TMEM132D: variants seen among roughly 807,000 people sequenced by gnomAD.
TMEM132D encodes the protein transmembrane protein 132D.
TMEM132D carries 21 observed loss-of-function variants against 62.3 expected under a neutral mutation model. The observed-to-expected ratio is 0.34, with a 90% confidence interval of 0.24 to 0.49. The LOEUF (loss-of-function observed/expected upper bound fraction) is 0.49. Among genes scored for constraint, TMEM132D ranks in the 20% least tolerant of loss-of-function variants. TMEM132D has a pLI of 0.99. For synonymous variants in TMEM132D, 621 were observed against 575.6 expected (o/e 1.08, Z -1.13); for missense variants, 1,346 against 1,402.8 (o/e 0.96, Z 0.65).
At chr12:129,596,988 G>A (rs1403506357) in intron 2 of TMEM132D, among the ~76,000 whole-genome samples, 8 of 152,138 alleles carry the variant, frequency 5.3e-5, no homozygotes, top group Non-Finnish European at 1.2e-4. Context: ...CGTTCTAAAT[G>A]CTATGTTATG....
chr12:129,609,517 T>A (rs542703358), intron 2 of TMEM132D, among the ~76,000 whole-genome samples: 5 of 152,258 alleles, frequency 3.3e-5, no homozygotes, highest in African/African-American at 1.2e-4. Context: ...GGGAAGTCAA[T>A]CCTGGTCATT....
At chr12:129,305,194 A>G (rs541599509) in intron 4 of TMEM132D, among the ~76,000 whole-genome samples, 1 of 152,338 alleles carries the variant, frequency 6.6e-6, no homozygotes, top group Non-Finnish European at 1.5e-5. Context: ...AGCCCCCTAA[A>G]TATTGGTTGA....
intron 5 of TMEM132D, among the ~76,000 whole-genome samples, chr12:129,166,700 CACACACACACACATAT>C (rs1398729782): frequency 2.8e-5 from 4 of 141,434 alleles, no homozygotes; most frequent in Admixed American, 2.3e-4. Flanking sequence ...CACACACACA[CACACACACACACATAT>C]ACACACACAC....
At chr12:129,534,749 A>G (rs1876332248) in intron 2 of TMEM132D, among the ~76,000 whole-genome samples, 1 of 152,212 alleles carries the variant, frequency 6.6e-6, no homozygotes, top group South Asian at 2.1e-4. Context: ...TCTCTGGAAT[A>G]TAATCTTGAA....
intron 3 of TMEM132D, among the ~76,000 whole-genome samples, chr12:129,345,479 G>T (rs541588855): frequency 6.6e-6 from 1 of 152,280 alleles, no homozygotes; most frequent in African/African-American, 2.4e-5. Context: ...GACAAAACTG[G>T]TGTTTCTATG....
chr12:129,644,117 T>C (rs1485285968), intron 2 of TMEM132D, among the ~76,000 whole-genome samples: 1 of 152,096 alleles, frequency 6.6e-6, no homozygotes, highest in African/African-American at 2.4e-5. Context: ...CCTCCCAAAG[T>C]GCTGGGGAAC....
At chr12:129,326,546 A>G (rs1052784207) in intron 4 of TMEM132D, among the ~76,000 whole-genome samples, 1 of 152,226 alleles carries the variant, frequency 6.6e-6, no homozygotes, top group African/African-American at 2.4e-5. Context: ...TTTTATTGGA[A>G]CTGTTACACC....
At chr12:129,482,426 A>C (rs1874454988) in intron 3 of TMEM132D, among the ~76,000 whole-genome samples, 1 of 152,248 alleles carries the variant, frequency 6.6e-6, no homozygotes. Flanking sequence ...CATCATATAC[A>C]ACTCTAGTTT....
At chr12:129,615,945 A>G (rs1878905331) in intron 2 of TMEM132D, among the ~76,000 whole-genome samples, 2 of 152,152 alleles carry the variant, frequency 1.3e-5, no homozygotes, top group South Asian at 2.1e-4. Context: ...CCCCTCCTAC[A>G]TTCCTGTCAC....
intron 1 of TMEM132D, among the ~76,000 whole-genome samples, chr12:129,820,189 C>A (rs895725679): frequency 6.6e-6 from 1 of 152,154 alleles, no homozygotes. Flanking sequence ...TTCAGGAGTT[C>A]TTTTGAAAGA....
At chr12:129,882,789 T>C (rs770918843) in intron 1 of TMEM132D, among the ~76,000 whole-genome samples, 1 of 152,150 alleles carries the variant, frequency 6.6e-6, no homozygotes, top group Non-Finnish European at 1.5e-5. Flanking sequence ...ATCATGGCAA[T>C]TGGTGCAATA....
chr12:129,833,114 T>C (rs1460867350), intron 1 of TMEM132D, among the ~76,000 whole-genome samples: 1 of 152,218 alleles, frequency 6.6e-6, no homozygotes, highest in Non-Finnish European at 1.5e-5. Flanking sequence ...GTTTAGTGTG[T>C]GCTCCACACA....
chr12:129,782,715 T>G lies in TMEM132D; in HGVS notation c.80-82017A>C, dbSNP rs902338991. Among the ~76,000 whole-genome samples the G allele has an allele frequency of 4.6e-5, 7 of 152,178 alleles. No individual in the cohort carries two copies. The East Asian group carries it at 9.7e-4, about 21-fold the overall frequency. ...GATAAATCCAGGTAAGTCTGATAAA[T>G]CCATGTAAGTCACACAGGTGTATTC... On this transcript the variant is annotated intron_variant, in intron 1 of 8. Transcript: ENST00000422113.
intron 2 of TMEM132D, among the ~76,000 whole-genome samples, chr12:129,683,394 G>A (rs547480819): frequency 1.3e-5 from 2 of 152,258 alleles, no homozygotes; most frequent in African/African-American, 4.8e-5. Flanking sequence ...GATTAAATGT[G>A]CTTAAAAAAT....
chr12:129,716,420 G>A lies in TMEM132D; in HGVS notation c.80-15722C>T, dbSNP rs141694188. Among the ~76,000 whole-genome samples the A allele has an allele frequency of 4.6e-5, 7 of 152,272 alleles. No individual in the cohort carries two copies. In the East Asian group the frequency reaches 1.4e-3, roughly 29 times the overall value. ...ACGTGGGAACGCCTGTGAGGGTCAG[G>A]GCAACTCTCTCTGAACAAGTAGTTA... On this transcript the variant is annotated intron_variant, in intron 1 of 8. Transcript: ENST00000422113.
chr12:129,343,805 C>T (rs186592666), intron 3 of TMEM132D, among the ~76,000 whole-genome samples: 17 of 150,008 alleles, frequency 1.1e-4, no homozygotes, highest in African/African-American at 2.9e-4. Flanking sequence ...GGCATGGTGG[C>T]GTATGCCTGT....
chr12:129,411,449 A>G (rs1486166792), intron 3 of TMEM132D, among the ~76,000 whole-genome samples: 1 of 150,630 alleles, frequency 6.6e-6, no homozygotes, highest in African/African-American at 2.4e-5. Flanking sequence ...ACTCACTGCA[A>G]CCTCCACCTT....
chr12:129,839,632 TA>T (rs936113142), intron 1 of TMEM132D, among the ~76,000 whole-genome samples: 1 of 152,086 alleles, frequency 6.6e-6, no homozygotes, highest in Non-Finnish European at 1.5e-5. Flanking sequence ...GAATATGCCT[TA>T]AAAAAAGACT....
intron 1 of TMEM132D, among the ~76,000 whole-genome samples, chr12:129,850,636 A>C (rs1056079571): frequency 6.6e-6 from 1 of 152,202 alleles, no homozygotes; most frequent in Non-Finnish European, 1.5e-5. Flanking sequence ...TGTCTTCTAT[A>C]GGAATCAGGA....
Sources: allele counts gnomAD v4.1 joint callset (sites outside exome capture counted in the v4.1 genomes callset), GRCh38; gene constraint gnomAD v4.1.1; transcripts MANE v1.5; gene names NCBI Gene and HGNC (gene_info 2026-07-23, HGNC 2026-07-21).